The following ZC3H4 variants were observed in gnomAD, a reference collection of about 807,000 sequenced individuals.
ZC3H4 encodes zinc finger CCCH-type containing 4.
Under a neutral mutation model 108.3 loss-of-function variants are expected in ZC3H4, and 13 were observed. The ratio of observed to expected loss-of-function variants is 0.12; its 90% CI spans 0.08 to 0.19. ZC3H4 has a LOEUF of 0.19. ZC3H4 is among the 10% of genes least tolerant of loss of function. The pLI is 1.00. For synonymous variants in ZC3H4, 917 were observed against 749.6 expected, an observed-to-expected ratio of 1.22 and a Z score of -3.65; for missense variants, 1,734 against 1,838.8, an observed-to-expected ratio of 0.94 and a Z score of 1.04.
Position 47,086,465 on chromosome 19 carries a change from C to G in ZC3H4, c.789G>C (p.Arg263Ser). 2 of 1,611,716 alleles carry G rather than the reference C, an allele frequency of 1.2e-6. No individual in the cohort carries two copies. The highest frequency in any genetic ancestry group is 1.7e-6 in the Non-Finnish European group (2 of 1,179,642). The stretch of plus-strand genomic sequence containing the variant: ...AGCCTCTGCCCCTGCCTCGGCTGCC[C>G]CTGCCCATGCCGCGGCCTCGCGATC... ...RGGSRGRGMGRGSRGRGRGSM... is the reference protein window; with the variant it reads ...RGGSRGRGMGSGSRGRGRGSM... Residue 263 changes from arginine (R) to serine (S), a missense_variant, in exon 6 of 15, where the codon AGG becomes AGC. Arg to Ser is a moderately radical substitution (Grantham distance 110). Coordinates refer to ENST00000253048, the MANE Select transcript of ZC3H4 (RefSeq NM_015168.2).
intron 11 of ZC3H4, among the ~76,000 whole-genome samples, chr19:47,078,174 ATTTTT>A (rs1178771178): frequency 6.6e-6 from 1 of 152,000 alleles, no homozygotes; most frequent in African/African-American, 2.4e-5. Context: ...TTTTTTCATT[ATTTTT>A]TATTATTTCC....
chr19:47,112,275 A>C (rs2058050094), intron 2 of ZC3H4, 149 bp downstream of exon 2: 1 of 1,117,852 alleles, frequency 8.9e-7, no homozygotes, highest in Non-Finnish European at 1.1e-6. Context: ...CGAGCAAGCG[A>C]TCGAGAGACA....
At chr19:47,095,194 T>G (rs1475368666) in intron 2 of ZC3H4, among the ~76,000 whole-genome samples, 1 of 152,168 alleles carries the variant, frequency 6.6e-6, no homozygotes, top group Non-Finnish European at 1.5e-5. Context: ...CTGTGCACCG[T>G]GGAGAGGGCC....
intron 4 of ZC3H4, 192 bp downstream of exon 4, chr19:47,093,778 G>A (rs1227382717): frequency 6.1e-6 from 3 of 491,518 alleles, no homozygotes; most frequent in Non-Finnish European, 1.1e-5. Flanking sequence ...GTCTCACTTG[G>A]TTGTCTGGGC....
At chr19:47,083,589 G>A (rs1053881093) in intron 9 of ZC3H4, among the ~76,000 whole-genome samples, 2 of 151,834 alleles carry the variant, frequency 1.3e-5, no homozygotes, top group Non-Finnish European at 2.9e-5. Flanking sequence ...GGCACCTATA[G>A]TCTCAGCTAC....
rs147338745 is a variant in ZC3H4, at chr19:47,087,478, T to C, written c.716-940A>G. 9.6e-3 allele frequency among the ~76,000 whole-genome samples: 1,461 copies of C among 152,006 alleles called. 66 individuals are homozygous for C. Among genetic ancestry groups the C allele is most frequent in the Admixed American group, 0.081 (1,235 of 15,236 alleles). Reference sequence around the variant, plus strand: ...GGCCAGGTGCAGTGGCTCAATCCTATAATCTCAGCACTTTGGGAGGCCCAG... The same window carrying C: ...GGCCAGGTGCAGTGGCTCAATCCTACAATCTCAGCACTTTGGGAGGCCCAG... On this transcript the variant is annotated intron_variant, in intron 5 of 14. Coordinates refer to ENST00000253048, the MANE Select transcript of ZC3H4 (RefSeq NM_015168.2).
At chr19:47,105,654 C>G (rs1251354868) in intron 2 of ZC3H4, among the ~76,000 whole-genome samples, 1 of 152,152 alleles carries the variant, frequency 6.6e-6, no homozygotes, top group Non-Finnish European at 1.5e-5. Context: ...GCTGGGTGGG[C>G]TGGCTTTGGC....
At chr19:47,094,345 G>T (rs778585650) in intron 3 of ZC3H4, 44 bp downstream of exon 3, 4 of 1,605,604 alleles carry the variant, frequency 2.5e-6, no homozygotes, top group East Asian at 2.2e-5. Context: ...TCTCAGCCAG[G>T]CCCAATGCCA....
chr19:47,073,497 G>A (rs895606060), intron 11 of ZC3H4, among the ~76,000 whole-genome samples: 2 of 151,510 alleles, frequency 1.3e-5, no homozygotes, highest in African/African-American at 2.4e-5. Flanking sequence ...GCTTGAACCT[G>A]GGAGGCGGAG....
chr19:47,073,832 A>T (rs962172496), intron 11 of ZC3H4, among the ~76,000 whole-genome samples: 1 of 152,184 alleles, frequency 6.6e-6, no homozygotes, highest in Non-Finnish European at 1.5e-5. Flanking sequence ...TTCACTTAGC[A>T]AAGTGCATCT....
Position 47,081,597 on chromosome 19 carries a change from G to A in ZC3H4, c.1356C>T (p.His452=), listed in dbSNP as rs375367435. 1.1e-5 allele frequency: 17 copies of A among 1,614,116 alleles called. No individual in the cohort carries two copies. The African/African-American group carries it at 2.0e-4, about 19-fold the overall frequency. The change falls in exon 11 of 15, where the codon CAC becomes CAT. Residue 452 remains histidine, a synonymous_variant. Transcript: ENST00000253048. The part of the protein sequence containing the change: ...MHGDFPCKLY[H]TTGNCINGDD... ...CACCATTGATGCAGTTCCCAGTGGTGTGGTACAGCTTACACGGGAAATCAC... is the reference window on the plus strand; with the variant it reads ...CACCATTGATGCAGTTCCCAGTGGTATGGTACAGCTTACACGGGAAATCAC...
chr19:47,086,727 G>A (rs935797889), intron 5 of ZC3H4, among the ~76,000 whole-genome samples, 189 bp from the exon 6 acceptor site: 2 of 152,106 alleles, frequency 1.3e-5, no homozygotes, highest in Non-Finnish European at 2.9e-5. Context: ...TTCTCTCAAT[G>A]GGGGTCCCTC....
At position 47,094,545 on chromosome 19, in the gene ZC3H4, G is replaced by A; in HGVS notation, c.225C>T (p.Thr75=). 1 of 1,614,184 alleles carries A rather than the reference G, an allele frequency of 6.2e-7. No homozygotes were observed. The highest frequency in any genetic ancestry group is 2.2e-5 in the East Asian group (1 of 44,888). The change falls in exon 3 of 15, where the codon ACC becomes ACT. Residue 75 remains threonine (T), a synonymous_variant. Coordinates refer to ENST00000253048, the MANE Select transcript of ZC3H4 (RefSeq NM_015168.2). ...EDDGAEETQD[T]SGGPERSRKE... ...TCCGGCTTCTCTCAGGCCCTCCGGA[G>A]GTATCCTGGGTCTCCTCTGCCCCAT...
chr19:47,075,306 G>A (rs914611301), intron 11 of ZC3H4, among the ~76,000 whole-genome samples: 11 of 152,180 alleles, frequency 7.2e-5, no homozygotes, highest in African/African-American at 2.7e-4. Flanking sequence ...ACCACCACCT[G>A]AGATGAGCCT....
chr19:47,100,426 T>G (rs956915659), intron 2 of ZC3H4, among the ~76,000 whole-genome samples: 1 of 152,016 alleles, frequency 6.6e-6, no homozygotes, highest in Non-Finnish European at 1.5e-5. Context: ...TCATGCCATT[T>G]CCATGGTAAC....
intron 13 of ZC3H4, 39 bp from the exon 14 acceptor site, chr19:47,069,382 G>A (rs747305807): frequency 2.5e-6 from 4 of 1,591,146 alleles, no homozygotes; most frequent in Non-Finnish European, 3.4e-6. Flanking sequence ...GTCGGGAAGG[G>A]CCTCCAGGTG....
At chr19:47,103,227 G>C (rs894685442) in intron 2 of ZC3H4, among the ~76,000 whole-genome samples, 2 of 152,156 alleles carry the variant, frequency 1.3e-5, no homozygotes, top group Non-Finnish European at 2.9e-5. Context: ...TTTCATCAGA[G>C]GACCGATTTC....
chr19:47,089,376 G>A (rs1277974262), intron 5 of ZC3H4, among the ~76,000 whole-genome samples: 1 of 152,056 alleles, frequency 6.6e-6, no homozygotes, highest in South Asian at 2.1e-4. Context: ...TTTGGTTGCT[G>A]TTGTTGGTCA....
intron 11 of ZC3H4, among the ~76,000 whole-genome samples, chr19:47,077,219 C>T (rs1478828521): frequency 6.6e-6 from 1 of 151,748 alleles, no homozygotes; most frequent in African/African-American, 2.4e-5. Flanking sequence ...GCCTGTAATC[C>T]CAGCACTTTG....
Sources: gnomAD v4.1 joint callset for allele counts (sites outside exome capture counted in the v4.1 genomes callset) on GRCh38, gnomAD v4.1.1 for gene constraint, MANE v1.5 for transcripts, NCBI Gene and HGNC (gene_info 2026-07-23, HGNC 2026-07-21) for gene names.